Variants in TBC1D5 observed in about 807,000 individuals in gnomAD.
The protein encoded by TBC1D5 is TBC1 domain family, member 5.
Under a neutral mutation model 100.3 loss-of-function variants are expected in TBC1D5, and 75 were observed. The ratio of observed to expected loss-of-function variants is 0.75; its 90% CI spans 0.62 to 0.91. TBC1D5 has a LOEUF of 0.91. Among genes scored for constraint, TBC1D5 ranks in the 40% least tolerant of loss-of-function variants. The pLI, the probability that TBC1D5 is intolerant of heterozygous loss-of-function variation, is 0.00. For missense variants in TBC1D5, 910 were observed against 942.4 expected, an observed-to-expected ratio of 0.97 and a Z score of 0.45; for synonymous variants, 323 against 325.6, an observed-to-expected ratio of 0.99 and a Z score of 0.09.
chr3:17,722,328 T>C (rs1451467348), intron 1 of TBC1D5, among the ~76,000 whole-genome samples: 4 of 152,190 alleles, frequency 2.6e-5, no homozygotes, highest in Non-Finnish European at 5.9e-5. Context: ...TATATGCATA[T>C]ACATAATGAC....
chr3:17,194,888 C>T (rs2125693244), intron 18 of TBC1D5, among the ~76,000 whole-genome samples: 1 of 152,246 alleles, frequency 6.6e-6, no homozygotes, highest in East Asian at 1.9e-4. Flanking sequence ...TGCCAGAAAA[C>T]AGGATCATGT....
At chr3:17,226,093 T>C (rs1227083652) in intron 17 of TBC1D5, among the ~76,000 whole-genome samples, 1 of 150,126 alleles carries the variant, frequency 6.7e-6, no homozygotes, top group African/African-American at 2.5e-5. Flanking sequence ...GTACCTGGAG[T>C]AGTCTTGTCT....
chr3:17,430,943 T>A (rs1051136114), intron 3 of TBC1D5, among the ~76,000 whole-genome samples: 5 of 151,870 alleles, frequency 3.3e-5, no homozygotes, highest in Admixed American at 2.6e-4. Context: ...AAAGGCTCAT[T>A]TTTCATTTAA....
chr3:17,263,557 T>G (rs1199369718), intron 15 of TBC1D5, among the ~76,000 whole-genome samples: 1 of 152,148 alleles, frequency 6.6e-6, no homozygotes, highest in Non-Finnish European at 1.5e-5. Context: ...CACTCAACTC[T>G]TTTCTGTTAA....
At chr3:17,377,558 A>G (rs1399761309) in intron 9 of TBC1D5, among the ~76,000 whole-genome samples, 1 of 152,044 alleles carries the variant, frequency 6.6e-6, no homozygotes, top group East Asian at 1.9e-4. Flanking sequence ...TTATAAAAAG[A>G]CAAGACAAAA....
intron 1 of TBC1D5, among the ~76,000 whole-genome samples, chr3:17,625,713 CA>C (rs888965510): frequency 6.6e-6 from 1 of 151,898 alleles, no homozygotes; most frequent in African/African-American, 2.4e-5. Context: ...ATTACAACCT[CA>C]AAAAATCATG....
intron 14 of TBC1D5, among the ~76,000 whole-genome samples, chr3:17,301,570 T>A (rs938678231): frequency 3.9e-5 from 6 of 152,162 alleles, no homozygotes; most frequent in African/African-American, 1.2e-4. Context: ...GTGGTTCTGG[T>A]ACCAAGGAAG....
At chr3:17,506,929 T>C (rs1490911397) in intron 3 of TBC1D5, among the ~76,000 whole-genome samples, 1 of 152,132 alleles carries the variant, frequency 6.6e-6, no homozygotes, top group African/African-American at 2.4e-5. Context: ...GGCAGGAGAA[T>C]GGCGTGAACC....
chr3:17,627,384 A>G (rs1477367184), intron 1 of TBC1D5, among the ~76,000 whole-genome samples: 1 of 152,306 alleles, frequency 6.6e-6, no homozygotes, highest in East Asian at 1.9e-4. Context: ...CTGTGAATAC[A>G]TAATAGTTTA....
chr3:17,601,232 C>T (rs998422550), intron 2 of TBC1D5, among the ~76,000 whole-genome samples: 1 of 152,172 alleles, frequency 6.6e-6, no homozygotes, highest in African/African-American at 2.4e-5. Flanking sequence ...CAATATGGGC[C>T]GGGTGCAGTG....
intron 2 of TBC1D5, among the ~76,000 whole-genome samples, chr3:17,519,607 C>T (rs1298007864): frequency 6.6e-6 from 1 of 152,170 alleles, no homozygotes; most frequent in African/African-American, 2.4e-5. Context: ...CTGTTTTACT[C>T]ATCTATACTC....
intron 15 of TBC1D5, among the ~76,000 whole-genome samples, chr3:17,266,687 T>A (rs1411839392): frequency 6.6e-6 from 1 of 152,124 alleles, no homozygotes; most frequent in Non-Finnish European, 1.5e-5. Flanking sequence ...CAGATTTTCA[T>A]TAAAAAAGAA....
At chr3:17,204,831 G>A (rs1031890818) in intron 18 of TBC1D5, among the ~76,000 whole-genome samples, 2 of 152,102 alleles carry the variant, frequency 1.3e-5, no homozygotes, top group Non-Finnish European at 2.9e-5. Flanking sequence ...TAAAACTGTT[G>A]AAAATAGAGG....
At chr3:17,415,439 T>C (rs2094042379) in intron 4 of TBC1D5, among the ~76,000 whole-genome samples, 1 of 152,018 alleles carries the variant, frequency 6.6e-6, no homozygotes, top group South Asian at 2.1e-4. Context: ...GAATACTCTC[T>C]TCTTTAAAGG....
intron 1 of TBC1D5, among the ~76,000 whole-genome samples, chr3:17,656,579 C>A (rs1380395781): frequency 1.3e-5 from 2 of 152,138 alleles, no homozygotes; most frequent in Non-Finnish European, 2.9e-5. Flanking sequence ...CCTATTCCTG[C>A]TACACACACA....
intron 15 of TBC1D5, among the ~76,000 whole-genome samples, chr3:17,287,946 A>T (rs2081332125): frequency 6.6e-6 from 1 of 152,144 alleles, no homozygotes; most frequent in Admixed American, 6.5e-5. Context: ...GAAATGGGAA[A>T]GAATGCTTTC....
chr3:17,706,230 C>T (rs919236358), intron 1 of TBC1D5: 1 of 1,549,176 alleles, frequency 6.5e-7, no homozygotes, highest in Non-Finnish European at 8.7e-7. Context: ...GTGGAGGCGG[C>T]GGCCACCACA....
chr3:17,677,508 G>A (rs984942448), intron 1 of TBC1D5, among the ~76,000 whole-genome samples: 5 of 152,220 alleles, frequency 3.3e-5, no homozygotes, highest in African/African-American at 7.2e-5. Context: ...AGGTGCTGGA[G>A]AGGATGTGGA....
intron 1 of TBC1D5, among the ~76,000 whole-genome samples, chr3:17,707,959 A>C (rs1272431089): frequency 6.6e-6 from 1 of 152,192 alleles, no homozygotes; most frequent in East Asian, 1.9e-4. Context: ...ATTTATAACA[A>C]ATGACATTCA....
Sources: allele counts gnomAD v4.1 joint callset (sites outside exome capture counted in the v4.1 genomes callset), GRCh38; gene constraint gnomAD v4.1.1; transcripts MANE v1.5; gene names NCBI Gene and HGNC (gene_info 2026-07-23, HGNC 2026-07-21).